IRAK2: variants seen among roughly 807,000 people sequenced by gnomAD.
IRAK2 encodes the protein interleukin-1 receptor-associated kinase-like 2.
A neutral mutation model predicts 72.0 loss-of-function variants in IRAK2; 57 were observed. That is an observed-to-expected ratio of 0.79 (90% CI 0.64 to 0.99). The LOEUF is 0.99. Ranked by LOEUF, IRAK2 falls within the 50% of genes least tolerant of loss-of-function variation. The pLI is 0.00. For synonymous variants in IRAK2, 293 were observed against 312.7 expected (o/e 0.94, Z 0.67); for missense variants, 790 against 794.4 (o/e 0.99, Z 0.07).
chr3:10,212,367 A>ATTC (rs35878178), intron 4 of IRAK2, among the ~76,000 whole-genome samples: 61,852 of 151,360 alleles, frequency 0.41, 12,969 homozygotes, highest in Middle Eastern at 0.5. Flanking sequence ...GCCCAAGACA[A>ATTC]TTCTTCTTCC....
chr3:10,222,479 C>T (rs1338341554), intron 8 of IRAK2, among the ~76,000 whole-genome samples, 157 bp from the exon 9 acceptor site: 1 of 152,168 alleles, frequency 6.6e-6, no homozygotes. Context: ...CTCTCTTCCC[C>T]AGTCAGGGCT....
intron 3 of IRAK2, among the ~76,000 whole-genome samples, chr3:10,208,560 G>A (rs1697466530): frequency 1.3e-5 from 2 of 151,680 alleles, no homozygotes; most frequent in Non-Finnish European, 2.9e-5. Context: ...TCAGGAGATC[G>A]AGACCATCCT....
At chr3:10,186,967 C>CTTT (rs61587063) in intron 2 of IRAK2, among the ~76,000 whole-genome samples, 6 of 138,662 alleles carry the variant, frequency 4.3e-5, no homozygotes, top group South Asian at 4.6e-4. Flanking sequence ...GCCCAGCTAA[C>CTTT]TTTTTTTTTT....
Position 10,242,250 on chromosome 3 carries a change from C to A in IRAK2, c.*22C>A, listed in dbSNP as rs749719472. On this transcript the variant is annotated 3_prime_UTR_variant, in exon 13 of 13. Coordinates refer to ENST00000256458, the MANE Select transcript of IRAK2 (RefSeq NM_001570.4). ...CTGATGACCGGAACACAGCTGAGGA[C>A]CCTTGTCCTCAGTTGGAAAGATGAG... is the stretch of plus-strand genomic sequence containing the variant. The A allele has an allele frequency of 2.2e-4, 311 of 1,385,604 alleles. No homozygotes were observed. Among genetic ancestry groups the A allele is most frequent in the Non-Finnish European group, 3.0e-4 (296 of 988,376 alleles). The allele number at this position is 1,385,604 out of a possible 1,614,324, so 85.8% of individuals were successfully genotyped here. A position where few individuals can be genotyped will look rare whatever the true frequency, so the allele number is the denominator to read the frequency against.
intron 10 of IRAK2, among the ~76,000 whole-genome samples, chr3:10,232,649 C>G (rs1448085895): frequency 6.6e-6 from 1 of 152,044 alleles, no homozygotes; most frequent in East Asian, 1.9e-4. Context: ...AGATACATAG[C>G]AATGATGGCA....
At position 10,186,711 on chromosome 3, in the gene IRAK2, G is replaced by T. The variant is rs964908268; in HGVS notation, c.277+8691G>T. ...CCCTGCTGCTGAGGCAGACTCTTGA[G>T]ATCCCCCAAGATGGGGATTCTTGTT... On this transcript the variant is annotated intron_variant, in intron 2 of 12. Transcript: ENST00000256458. Among the ~76,000 whole-genome samples, 5 of 150,806 alleles carry T rather than the reference G, an allele frequency of 3.3e-5. 1 individual carries two copies. Among genetic ancestry groups the T allele is most frequent in the African/African-American group, 1.2e-4 (5 of 40,332 alleles).
chr3:10,210,855 GT>G (rs1246848319), intron 4 of IRAK2, among the ~76,000 whole-genome samples: 5 of 152,026 alleles, frequency 3.3e-5, no homozygotes, highest in Admixed American at 6.6e-5. Flanking sequence ...CTACAAAAAA[GT>G]TTTTTTTGTT....
At position 10,220,981 on chromosome 3, in the gene IRAK2, C is replaced by T. The variant is rs140468178; in HGVS notation, c.1013+1192C>T. The stretch of plus-strand genomic sequence containing the variant: ...GTAAACATTTCGCTACATTGTATAC[C>T]GTCATGTTTTTTAGTGTCTTAGTCT... On this transcript the variant is annotated intron_variant, in intron 8 of 12. Transcript: ENST00000256458. Among the ~76,000 whole-genome samples, 1,040 of 152,040 alleles carry T rather than the reference C, an allele frequency of 6.8e-3. 16 individuals are homozygous for T. The highest frequency in any genetic ancestry group is 0.024 in the African/African-American group (999 of 41,476).
At chr3:10,209,256 C>T (rs901219488) in intron 3 of IRAK2, among the ~76,000 whole-genome samples, 18 of 152,242 alleles carry the variant, frequency 1.2e-4, no homozygotes, top group African/African-American at 4.3e-4. Context: ...TGAGATAGTG[C>T]AGGGCCTAGA....
intron 6 of IRAK2, among the ~76,000 whole-genome samples, chr3:10,216,513 C>T (rs981807570): frequency 6.6e-6 from 1 of 151,768 alleles, no homozygotes; most frequent in African/African-American, 2.4e-5. Flanking sequence ...AAAGAGTGGT[C>T]AGAGAGGTAG....
chr3:10,235,919 C>T (rs1303297672), intron 11 of IRAK2, among the ~76,000 whole-genome samples: 1 of 152,142 alleles, frequency 6.6e-6, no homozygotes, highest in Non-Finnish European at 1.5e-5. Context: ...GCACAGGTGT[C>T]CCCCAAGTGT....
chr3:10,221,489 G>A (rs954084399), intron 8 of IRAK2, among the ~76,000 whole-genome samples: 4 of 151,348 alleles, frequency 2.6e-5, no homozygotes, highest in South Asian at 2.1e-4. Context: ...TCCTGACCTC[G>A]TGATCCACCC....
At chr3:10,170,358 C>A (rs1360026423) in intron 1 of IRAK2, among the ~76,000 whole-genome samples, 1 of 152,220 alleles carries the variant, frequency 6.6e-6, no homozygotes, top group Non-Finnish European at 1.5e-5. Flanking sequence ...ATCTAACCTG[C>A]AAAGTCCCTT....
intron 3 of IRAK2, among the ~76,000 whole-genome samples, chr3:10,200,755 C>A (rs557757676): frequency 2.2e-4 from 34 of 152,236 alleles, no homozygotes; most frequent in Admixed American, 2.6e-4. Context: ...AAAAAATCAT[C>A]CAGGCATGGT....
chr3:10,236,292 A>G (rs895815896), intron 11 of IRAK2, among the ~76,000 whole-genome samples: 1 of 149,494 alleles, frequency 6.7e-6, no homozygotes, highest in Non-Finnish European at 1.5e-5. Flanking sequence ...GAGTTGTCCA[A>G]TGATAGAAGG....
intron 10 of IRAK2, among the ~76,000 whole-genome samples, chr3:10,227,612 C>G (rs988493545): frequency 6.6e-6 from 1 of 151,900 alleles, no homozygotes; most frequent in Admixed American, 6.6e-5. Context: ...TTGGAATTAC[C>G]AAGTGTCAGA....
Position 10,238,853 on chromosome 3 carries a change from G to A in IRAK2, c.1579G>A (p.Glu527Lys). ...TACAGGCTCTTCTTCCAACACCCCA[G>A]AGGAAACAGACGACGTTGACAATTC... The part of the protein sequence containing the change: ...EGTGSSSNTP[E>K]ETDDVDNSSL... The change falls in exon 12 of 13, where the codon GAG becomes AAG. Residue 527 changes from glutamate (E) to lysine (K), a missense_variant. By Grantham distance (56) the Glu-to-Lys change is moderately conservative. Transcript: ENST00000256458. The A allele has an allele frequency of 1.2e-6, 2 of 1,614,114 alleles. No individual in the cohort carries two copies. Among genetic ancestry groups the A allele is most frequent in the African/African-American group, 1.3e-5 (1 of 75,034 alleles).
At chr3:10,184,469 G>A (rs1333980114) in intron 2 of IRAK2, among the ~76,000 whole-genome samples, 2 of 152,094 alleles carry the variant, frequency 1.3e-5, no homozygotes. Context: ...GGCAAATCTG[G>A]TATGTGTGGG....
At chr3:10,179,936 G>A (rs1297622889) in intron 2 of IRAK2, among the ~76,000 whole-genome samples, 1 of 152,236 alleles carries the variant, frequency 6.6e-6, no homozygotes, top group Non-Finnish European at 1.5e-5. Context: ...ACACATGTAA[G>A]TGTAGCCATG....
Sources: gnomAD v4.1 joint callset for allele counts (sites outside exome capture counted in the v4.1 genomes callset) on GRCh38, gnomAD v4.1.1 for gene constraint, MANE v1.5 for transcripts, NCBI Gene and HGNC (gene_info 2026-07-23, HGNC 2026-07-21) for gene names.